Variants in MCTP2 observed in about 807,000 individuals in gnomAD.
The protein encoded by MCTP2 is multiple C2 and transmembrane domain containing 2.
MCTP2 carries 132 observed loss-of-function variants against 111.6 expected under a neutral mutation model. The ratio of observed to expected loss-of-function variants is 1.18; its 90% confidence interval spans 1.03 to 1.37. The LOEUF is 1.37. Ranked by LOEUF, MCTP2 falls within the 40% of genes most tolerant of loss-of-function variation. MCTP2 has a pLI of 0.00. For missense variants in MCTP2, 1,183 were observed against 1,067.9 expected (o/e 1.11, Z -1.50); for synonymous variants, 395 against 387.7 (o/e 1.02, Z -0.22).
At chr15:94,243,006 C>T (rs139721388) in intron 1 of MCTP2, among the ~76,000 whole-genome samples, 11,109 of 61,026 alleles carry the variant, frequency 0.18, 2,794 homozygotes, top group Non-Finnish European at 0.22. Context: ...TGTATCTACA[C>T]ATACACGTGT....
At chr15:94,310,713 A>C (rs143000845) in intron 2 of MCTP2, among the ~76,000 whole-genome samples, 2,253 of 150,694 alleles carry the variant, frequency 0.015, 51 homozygotes, top group Admixed American at 0.057. Context: ...TTCATAACAT[A>C]AAATAATATA....
chr15:94,471,379 T>C (rs1191605881), intron 21 of MCTP2, among the ~76,000 whole-genome samples: 1 of 152,120 alleles, frequency 6.6e-6, no homozygotes, highest in Non-Finnish European at 1.5e-5. Flanking sequence ...GCTGAGAGCC[T>C]GCAAATGCTG....
At chr15:94,447,464 G>A (rs1025449922) in intron 19 of MCTP2, among the ~76,000 whole-genome samples, 1 of 152,060 alleles carries the variant, frequency 6.6e-6, no homozygotes, top group Non-Finnish European at 1.5e-5. Flanking sequence ...GTGCCATTTC[G>A]GCTCAGTGCA....
At position 94,268,695 on chromosome 15, in the gene MCTP2, AG is replaced by A. The variant is rs1438703270; in HGVS notation, c.-65-29505del. Among the ~76,000 whole-genome samples the A allele has an allele frequency of 1.1e-4, 16 of 151,894 alleles. No individual in the cohort carries two copies. In the East Asian group the frequency reaches 1.4e-3, roughly 13 times the overall value. On this transcript the variant is annotated intron_variant, in intron 1 of 22. Transcript: ENST00000357742. ...GCCTTGCTATCCATGAATTCTTACC[AG>A]TAGATCATAAACTTCTTATGGACAG...
intron 1 of MCTP2, among the ~76,000 whole-genome samples, chr15:94,255,860 C>T (rs1340648189): frequency 6.6e-6 from 1 of 152,154 alleles, no homozygotes; most frequent in Non-Finnish European, 1.5e-5. Flanking sequence ...CATTGTTTAG[C>T]AACTATGGAA....
chr15:94,452,831 A>G (rs1229469120), intron 19 of MCTP2, among the ~76,000 whole-genome samples: 1 of 152,248 alleles, frequency 6.6e-6, no homozygotes, highest in Non-Finnish European at 1.5e-5. Flanking sequence ...AGCCTTTCAG[A>G]GAGCAAAAAC....
intron 19 of MCTP2, among the ~76,000 whole-genome samples, chr15:94,449,801 G>T (rs1373844666): frequency 1.3e-5 from 2 of 152,056 alleles, no homozygotes; most frequent in African/African-American, 4.8e-5. Context: ...ATTGTACCTG[G>T]GAGAAAACTA....
chr15:94,292,844 C>T (rs1432136935), intron 1 of MCTP2: 1 of 152,146 alleles, frequency 6.6e-6, no homozygotes, highest in Non-Finnish European at 1.5e-5. Flanking sequence ...AGACTATCAT[C>T]CTTCAGCAAT....
chr15:94,376,581 C>T (rs1174854292), intron 12 of MCTP2, among the ~76,000 whole-genome samples: 1 of 152,274 alleles, frequency 6.6e-6, no homozygotes, highest in East Asian at 1.9e-4. Context: ...ATGTATTTCC[C>T]ATTCCTTATT....
intron 1 of MCTP2, among the ~76,000 whole-genome samples, chr15:94,289,739 G>T (rs997228678): frequency 1.3e-5 from 2 of 152,068 alleles, no homozygotes; most frequent in Non-Finnish European, 2.9e-5. Flanking sequence ...AGACCTATAC[G>T]CTGGTATGGT....
intron 1 of MCTP2, among the ~76,000 whole-genome samples, chr15:94,257,478 T>C: frequency 6.6e-6 from 1 of 151,534 alleles, no homozygotes; most frequent in East Asian, 1.9e-4. Flanking sequence ...GTATGTTCCC[T>C]ACAATGCCCT....
At chr15:94,407,254 G>A (rs1358660951) in intron 17 of MCTP2, among the ~76,000 whole-genome samples, 1 of 152,106 alleles carries the variant, frequency 6.6e-6, no homozygotes, top group Admixed American at 6.5e-5. Flanking sequence ...ATCATCAGAA[G>A]GTGATTTTAA....
At chr15:94,248,112 C>T (rs1386298009) in intron 1 of MCTP2, among the ~76,000 whole-genome samples, 8 of 152,068 alleles carry the variant, frequency 5.3e-5, no homozygotes, top group Admixed American at 6.6e-5. Context: ...ACTAGAAGGT[C>T]AGGATTAGAG....
In MCTP2 at chr15:94,261,903, G is replaced by A. The variant is rs1223978215; in HGVS notation, c.-66+30239G>A. The stretch of plus-strand genomic sequence containing the variant: ...GATCTCACTTAAAACTGTGTGGTCT[G>A]TGTGAGGTTGTATTACTTTATTGGT... On this transcript the variant is annotated intron_variant, in intron 1 of 22. Coordinates refer to ENST00000357742, the MANE Select transcript of MCTP2 (RefSeq NM_001385001.1). 9.2e-5 allele frequency among the ~76,000 whole-genome samples: 14 copies of A among 152,118 alleles called. 1 individual carries two copies. Among genetic ancestry groups the A allele is most frequent in the Admixed American group, 8.5e-4 (13 of 15,278 alleles).
chr15:94,366,339 T>C (rs566266367), intron 10 of MCTP2, among the ~76,000 whole-genome samples: 9 of 152,294 alleles, frequency 5.9e-5, no homozygotes, highest in African/African-American at 1.4e-4. Flanking sequence ...TTTTGATAAA[T>C]AGGAAATAAA....
At chr15:94,379,790 A>G (rs1252081344) in intron 12 of MCTP2, among the ~76,000 whole-genome samples, 1 of 145,522 alleles carries the variant, frequency 6.9e-6, no homozygotes, top group South Asian at 2.1e-4. Context: ...ATAATTATAT[A>G]TGATATGTAA....
At chr15:94,330,881 C>A (rs896995684) in intron 4 of MCTP2, among the ~76,000 whole-genome samples, 1 of 151,470 alleles carries the variant, frequency 6.6e-6, no homozygotes, top group African/African-American at 2.4e-5. Context: ...ACAAAAGCTG[C>A]GCACCACCAT....
At position 94,398,991 on chromosome 15, in the gene MCTP2, C is replaced by A; in HGVS notation, c.1819C>A (p.Leu607Ile). The change falls in exon 15 of 23, where the codon CTA (leucine) becomes ATA (isoleucine). Residue 607 changes from leucine (L) to isoleucine (I), a missense_variant. Transcript: ENST00000357742. ...IRDGQPNCYVLKNKDLEQAFK... is the reference protein window; with the variant it reads ...IRDGQPNCYVIKNKDLEQAFK... ...AGATGGACAACCGAATTGTTATGTA[C>A]TAAAGAATAAAGATTTAGAACAAGC... 6.4e-7 allele frequency: 1 copy of A among 1,561,752 alleles called. No individual in the cohort carries two copies. Among genetic ancestry groups the A allele is most frequent in the Admixed American group, 1.7e-5 (1 of 59,758 alleles).
intron 17 of MCTP2, among the ~76,000 whole-genome samples, chr15:94,421,235 T>G (rs2082616697): frequency 6.6e-6 from 1 of 152,146 alleles, no homozygotes. Context: ...TGTAGCACAG[T>G]GTAAACATAA....
Sources: allele counts gnomAD v4.1 joint callset (sites outside exome capture counted in the v4.1 genomes callset), GRCh38; gene constraint gnomAD v4.1.1; transcripts MANE v1.5; gene names NCBI Gene and HGNC (gene_info 2026-07-23, HGNC 2026-07-21).